The following CACNB2 variants were observed in gnomAD, a reference collection of about 807,000 sequenced individuals.
The protein encoded by CACNB2 is voltage-dependent L-type calcium channel subunit beta-2.
Under a neutral mutation model 73.3 loss-of-function variants are expected in CACNB2, and 42 were observed. The observed-to-expected ratio is 0.57, with a 90% CI of 0.45 to 0.74. The LOEUF (loss-of-function observed/expected upper bound fraction) is 0.74. Among genes scored for constraint, CACNB2 ranks in the 30% least tolerant of loss-of-function variants. The pLI is 0.00. For synonymous variants in CACNB2, 348 were observed against 310.3 expected, an observed-to-expected ratio of 1.12 and a Z score of -1.28; for missense variants, 940 against 853.0, an observed-to-expected ratio of 1.10 and a Z score of -1.27.
intron 9 of CACNB2, among the ~76,000 whole-genome samples, chr10:18,523,297 C>G (rs1158963792): frequency 1.3e-5 from 2 of 152,110 alleles, no homozygotes; most frequent in Non-Finnish European, 2.9e-5. Flanking sequence ...TTCCTAAATG[C>G]CAAAGATGGG....
chr10:18,443,912 G>A (rs755160605), intron 3 of CACNB2, among the ~76,000 whole-genome samples: 2 of 151,748 alleles, frequency 1.3e-5, no homozygotes, highest in East Asian at 1.9e-4. Context: ...ACGAGGTTTC[G>A]CCATGTTGGC....
intron 2 of CACNB2, among the ~76,000 whole-genome samples, chr10:18,181,208 G>A (rs35118097): frequency 0.15 from 23,421 of 151,972 alleles, 2,012 homozygotes; most frequent in African/African-American, 0.23. Context: ...TGCAAGCACT[G>A]GAATGACCTT....
chr10:18,315,375 A>G (rs1444285438), intron 2 of CACNB2, among the ~76,000 whole-genome samples: 1 of 150,654 alleles, frequency 6.6e-6, no homozygotes, highest in African/African-American at 2.4e-5. Flanking sequence ...AAACAAAAAC[A>G]GTGGGCCAGT....
chr10:18,323,075 C>A (rs1050608557), intron 2 of CACNB2, among the ~76,000 whole-genome samples: 6 of 151,014 alleles, frequency 4.0e-5, no homozygotes, highest in African/African-American at 1.5e-4. Context: ...CAGTCTCCAG[C>A]CTCAGTTTCC....
At position 18,450,198 on chromosome 10, in the gene CACNB2, T is replaced by G. The variant is rs1564563284; in HGVS notation, c.333+48155T>G. 2.0e-5 allele frequency among the ~76,000 whole-genome samples: 3 copies of G among 152,212 alleles called. 1 individual carries two copies. The highest frequency in any genetic ancestry group is 2.0e-4 in the Admixed American group (3 of 15,284). ...GTAAAATGCCTGTGTGTTGTATTTC[T>G]CTTTATGTCTGCCTTTTAAAAACTG... On this transcript the variant is annotated intron_variant, in intron 3 of 13. Coordinates refer to ENST00000324631, the MANE Select transcript of CACNB2 (RefSeq NM_201596.3).
intron 3 of CACNB2, among the ~76,000 whole-genome samples, chr10:18,417,756 A>G (rs2045076629): frequency 1.3e-5 from 2 of 152,218 alleles, no homozygotes; most frequent in Non-Finnish European, 2.9e-5. Context: ...CTATTTGAAT[A>G]TGCCTTTTCC....
chr10:18,277,108 TC>T (rs2038329328), intron 2 of CACNB2, among the ~76,000 whole-genome samples: 1 of 152,120 alleles, frequency 6.6e-6, no homozygotes, highest in South Asian at 2.1e-4. Flanking sequence ...TGGAGCGAGA[TC>T]TTGTCTCTTA....
At chr10:18,375,310 A>C (rs1028002888) in intron 2 of CACNB2, among the ~76,000 whole-genome samples, 10 of 152,172 alleles carry the variant, frequency 6.6e-5, no homozygotes, top group Non-Finnish European at 1.0e-4. Context: ...CCAATGCCAT[A>C]GGGAAAAAGA....
intron 11 of CACNB2, among the ~76,000 whole-genome samples, chr10:18,535,495 G>A (rs558746239): frequency 3.3e-5 from 5 of 152,126 alleles, no homozygotes; most frequent in East Asian, 3.9e-4. Flanking sequence ...AAATTCGGCC[G>A]GGCGCAGTGG....
rs193227113 is a variant in CACNB2, at chr10:18,158,367, G to A, written c.213+7392G>A. ...GTGTTAAACATAACCTCTAGGCACT[G>A]TTATTAGAATGAATGAATATTATTT... On this transcript the variant is annotated intron_variant, in intron 2 of 13. Transcript: ENST00000324631. Among the ~76,000 whole-genome samples, 82 of 152,232 alleles carry A rather than the reference G, an allele frequency of 5.4e-4. 1 individual carries two copies. Among genetic ancestry groups the A allele is most frequent in the East Asian group, 5.2e-3 (27 of 5,186 alleles).
intron 2 of CACNB2, among the ~76,000 whole-genome samples, chr10:18,192,971 T>A (rs2034470551): frequency 6.6e-6 from 1 of 152,242 alleles, no homozygotes; most frequent in Admixed American, 6.5e-5. Context: ...TGTACTTGTT[T>A]GAGTCCCTGT....
chr10:18,435,714 G>T (rs1293294544), intron 3 of CACNB2, among the ~76,000 whole-genome samples: 1 of 151,864 alleles, frequency 6.6e-6, no homozygotes, highest in Non-Finnish European at 1.5e-5. Context: ...TGCCCAGGCT[G>T]GTCTCAAACT....
At chr10:18,243,587 A>G (rs2036745597) in intron 2 of CACNB2, among the ~76,000 whole-genome samples, 1 of 152,134 alleles carries the variant, frequency 6.6e-6, no homozygotes, top group African/African-American at 2.4e-5. Context: ...ATGAGGACAG[A>G]TTTCTTATGA....
At chr10:18,494,915 A>T (rs1375096452) in intron 3 of CACNB2, among the ~76,000 whole-genome samples, 1 of 152,132 alleles carries the variant, frequency 6.6e-6, no homozygotes, top group Non-Finnish European at 1.5e-5. Context: ...TTTTAAAAAA[A>T]ATAAAATGTA....
intron 2 of CACNB2, among the ~76,000 whole-genome samples, chr10:18,178,119 C>T (rs146156532): frequency 1.8e-4 from 27 of 152,120 alleles, no homozygotes; most frequent in African/African-American, 6.0e-4. Flanking sequence ...CTTTTCTTGG[C>T]GGTTGCTACT....
At chr10:18,274,739 A>C (rs1470197911) in intron 2 of CACNB2, among the ~76,000 whole-genome samples, 1 of 152,182 alleles carries the variant, frequency 6.6e-6, no homozygotes, top group Non-Finnish European at 1.5e-5. Flanking sequence ...TCTGAACTAT[A>C]GTTACAACAT....
Position 18,160,436 on chromosome 10 carries a change from T to G in CACNB2, c.213+9461T>G, listed in dbSNP as rs150927906. Among the ~76,000 whole-genome samples the G allele has an allele frequency of 3.4e-3, 525 of 152,308 alleles. 3 individuals are homozygous for G. Among genetic ancestry groups the G allele is most frequent in the East Asian group, 0.011 (59 of 5,186 alleles). ...ATTACACTTTCCACCGATACCTCAT[T>G]TTCTTCCATTTTTATTCATCTTCTG... On this transcript the variant is annotated intron_variant, in intron 2 of 13. Coordinates refer to ENST00000324631, the MANE Select transcript of CACNB2 (RefSeq NM_201596.3).
intron 2 of CACNB2, among the ~76,000 whole-genome samples, chr10:18,245,987 T>C (rs993670801): frequency 6.6e-6 from 1 of 152,122 alleles, no homozygotes; most frequent in East Asian, 1.9e-4. Context: ...TGGAAATAAA[T>C]GGTCAGAAAG....
At chr10:18,410,153 G>A (rs1414923027) in intron 3 of CACNB2, among the ~76,000 whole-genome samples, 1 of 152,080 alleles carries the variant, frequency 6.6e-6, no homozygotes, top group Non-Finnish European at 1.5e-5. Context: ...CGTCCTGCCC[G>A]CCTCTTGCAG....
Sources: gnomAD v4.1 joint callset for allele counts (sites outside exome capture counted in the v4.1 genomes callset) on GRCh38, gnomAD v4.1.1 for gene constraint, MANE v1.5 for transcripts, NCBI Gene and HGNC (gene_info 2026-07-23, HGNC 2026-07-21) for gene names.